The following TLN2 variants were observed in gnomAD, a reference collection of about 807,000 sequenced individuals.
The protein encoded by TLN2 is talin-2.
Under a neutral mutation model 294.7 loss-of-function variants are expected in TLN2, and 118 were observed. That is an observed-to-expected ratio of 0.40 (90% CI 0.34 to 0.47). The LOEUF is 0.47. Ranked by LOEUF, TLN2 falls within the 20% of genes least tolerant of loss-of-function variation. TLN2 has a pLI of 0.84. For synonymous variants in TLN2, 1,431 were observed against 1,304.5 expected (o/e 1.10, Z -2.09); for missense variants, 3,083 against 3,282.2 (o/e 0.94, Z 1.48).
At chr15:62,565,641 T>C (rs755485513) in intron 1 of TLN2, among the ~76,000 whole-genome samples, 1 of 152,230 alleles carries the variant, frequency 6.6e-6, no homozygotes, top group Non-Finnish European at 1.5e-5. Context: ...CGCTTTAAAC[T>C]TCCAGTTGTG....
intron 41 of TLN2, among the ~76,000 whole-genome samples, chr15:62,770,060 A>C (rs939707337): frequency 9.8e-5 from 15 of 152,334 alleles, no homozygotes; most frequent in Admixed American, 9.1e-4. Flanking sequence ...CATCCCAATG[A>C]AAGTGAAAGA....
At chr15:62,768,363 G>T (rs935080082) in intron 41 of TLN2, among the ~76,000 whole-genome samples, 1 of 152,118 alleles carries the variant, frequency 6.6e-6, no homozygotes, top group Non-Finnish European at 1.5e-5. Context: ...CTTGACTGTC[G>T]CGCTGATCCC....
chr15:62,437,243 G>A (rs2035328272), intron 1 of TLN2, among the ~76,000 whole-genome samples: 1 of 152,186 alleles, frequency 6.6e-6, no homozygotes, highest in Non-Finnish European at 1.5e-5. Context: ...AGAGGTCTAG[G>A]AATCCTTTCT....
intron 42 of TLN2, among the ~76,000 whole-genome samples, chr15:62,774,418 G>A (rs111855210): frequency 7.9e-5 from 12 of 152,270 alleles, no homozygotes; most frequent in East Asian, 1.9e-4. Context: ...GATTGCTGTC[G>A]GTGGTTTAAA....
intron 6 of TLN2, 128 bp downstream of exon 6, chr15:62,652,262 TC>T: frequency 2.0e-6 from 2 of 999,918 alleles, no homozygotes; most frequent in South Asian, 4.0e-5. Flanking sequence ...TTCTGCCTAA[TC>T]CCCAGAGGGT....
chr15:62,620,708 G>A (rs774676270), intron 3 of TLN2, among the ~76,000 whole-genome samples: 37 of 151,166 alleles, frequency 2.4e-4, no homozygotes, highest in Non-Finnish European at 4.9e-4. Context: ...TCTCAAACTC[G>A]TGGGCTCAAG....
chr15:62,487,896 C>T (rs2038493394), intron 1 of TLN2, among the ~76,000 whole-genome samples: 1 of 151,314 alleles, frequency 6.6e-6, no homozygotes, highest in South Asian at 2.1e-4. Context: ...GAGTGAGAAT[C>T]CGTCTCAAAA....
intron 12 of TLN2, among the ~76,000 whole-genome samples, chr15:62,687,272 T>A (rs554665427): frequency 2.0e-4 from 31 of 152,314 alleles, no homozygotes; most frequent in Admixed American, 9.1e-4. Flanking sequence ...TAGGATAGTA[T>A]TATTATAGAA....
chr15:62,486,094 T>C (rs1403961246), intron 1 of TLN2, among the ~76,000 whole-genome samples: 1 of 152,224 alleles, frequency 6.6e-6, no homozygotes, highest in Non-Finnish European at 1.5e-5. Context: ...CTTATCATTC[T>C]CTGTATTACA....
intron 52 of TLN2, among the ~76,000 whole-genome samples, chr15:62,813,074 G>A (rs776492988): frequency 2.6e-5 from 4 of 152,190 alleles, no homozygotes; most frequent in South Asian, 2.1e-4. Context: ...GCTGGAGATC[G>A]GAAGGAGGGA....
At chr15:62,447,243 T>C (rs2035868407) in intron 1 of TLN2, among the ~76,000 whole-genome samples, 1 of 152,120 alleles carries the variant, frequency 6.6e-6, no homozygotes, top group Non-Finnish European at 1.5e-5. Flanking sequence ...GTATTAGTGC[T>C]AAGTGTGTTA....
At chr15:62,834,630 C>T (rs7172189) in intron 55 of TLN2, 147,585 of 152,280 alleles carry the variant, frequency 0.97, 71,679 homozygotes, top group Middle Eastern at 1. Flanking sequence ...TGGTCCATGT[C>T]CGTCTCCCCA....
At chr15:62,523,172 A>T (rs2040558620) in intron 1 of TLN2, among the ~76,000 whole-genome samples, 1 of 152,218 alleles carries the variant, frequency 6.6e-6, no homozygotes, top group Admixed American at 6.5e-5. Context: ...AGCTGTTCTT[A>T]CAGAGCCCCG....
chr15:62,771,212 A>G (rs1240138623), intron 42 of TLN2, 78 bp downstream of exon 42: 4 of 1,410,286 alleles, frequency 2.8e-6, no homozygotes, highest in Non-Finnish European at 3.7e-6. Flanking sequence ...GTGTCCTTCC[A>G]GGAGAAAACA....
chr15:62,442,448 T>C (rs554416167), intron 1 of TLN2, among the ~76,000 whole-genome samples: 4 of 132,324 alleles, frequency 3.0e-5, no homozygotes, highest in African/African-American at 1.2e-4. Context: ...GAGCCGAGAC[T>C]ACGCAGTTGC....
intron 1 of TLN2, among the ~76,000 whole-genome samples, chr15:62,458,390 CA>C (rs2036602998): frequency 6.6e-6 from 1 of 152,074 alleles, no homozygotes; most frequent in African/African-American, 2.4e-5. Flanking sequence ...TGTGCCTTTC[CA>C]ATTTCTCATT....
At chr15:62,495,957 A>C (rs1054536243) in intron 1 of TLN2, among the ~76,000 whole-genome samples, 2 of 152,060 alleles carry the variant, frequency 1.3e-5, no homozygotes, top group Non-Finnish European at 2.9e-5. Flanking sequence ...AAAAAAAAAA[A>C]ACAAAAACCA....
intron 3 of TLN2, chr15:62,637,474 A>G (rs1367481142): frequency 6.6e-6 from 1 of 152,110 alleles, no homozygotes; most frequent in African/African-American, 2.4e-5. Context: ...GAGCTGACAC[A>G]GCCTTCTTAC....
intron 57 of TLN2, 22 bp downstream of exon 57, chr15:62,836,095 G>A (rs1462231663): frequency 8.2e-6 from 13 of 1,594,050 alleles, no homozygotes; most frequent in South Asian, 3.4e-5. Context: ...TGATGCTGGT[G>A]GGAAAATACT....
Sources: gnomAD v4.1 joint callset for allele counts (sites outside exome capture counted in the v4.1 genomes callset) on GRCh38, gnomAD v4.1.1 for gene constraint, MANE v1.5 for transcripts, NCBI Gene and HGNC (gene_info 2026-07-23, HGNC 2026-07-21) for gene names.